The following AUTS2 variants were observed in gnomAD, a reference collection of about 807,000 sequenced individuals.
The protein encoded by AUTS2 is autism susceptibility gene 2 protein.
Under a neutral mutation model 112.4 loss-of-function variants are expected in AUTS2, and 17 were observed. The ratio of observed to expected loss-of-function variants is 0.15; its 90% CI spans 0.10 to 0.23. AUTS2 has a LOEUF of 0.23. AUTS2 is among the 10% of genes least tolerant of loss of function. The probability of loss-of-function intolerance (pLI) is 1.00; values close to 1 mark genes in which losing one functional copy is unlikely to be tolerated. For synonymous variants in AUTS2, 751 were observed against 702.7 expected (o/e 1.07, Z -1.09); for missense variants, 1,510 against 1,701.6 (o/e 0.89, Z 1.98).
At chr7:70,057,321 C>T (rs1427457042) in intron 2 of AUTS2, among the ~76,000 whole-genome samples, 1 of 152,168 alleles carries the variant, frequency 6.6e-6, no homozygotes, top group Non-Finnish European at 1.5e-5. Flanking sequence ...AAACTTTAAA[C>T]ATGGAGGAAG....
intron 5 of AUTS2, among the ~76,000 whole-genome samples, chr7:70,531,571 G>C (rs564670118): frequency 6.6e-6 from 1 of 152,086 alleles, no homozygotes; most frequent in Admixed American, 6.6e-5. Context: ...GGTGAGAGAC[G>C]GAGCAAAAGA....
At chr7:70,780,583 C>T (rs1238265489) in intron 14 of AUTS2, among the ~76,000 whole-genome samples, 1 of 152,180 alleles carries the variant, frequency 6.6e-6, no homozygotes, top group East Asian at 1.9e-4. Flanking sequence ...ACCATGTTGC[C>T]CAGGCTGCCC....
At position 70,384,873 on chromosome 7, in the gene AUTS2, A is replaced by C. The variant is rs372320051; in HGVS notation, c.661-50879A>C. Among the ~76,000 whole-genome samples the C allele has an allele frequency of 4.9e-4, 75 of 152,274 alleles. 1 individual carries two copies. The South Asian group carries it at 0.015, about 31-fold the overall frequency. ...AATGAGATATTAATAAAGTCCTTGA[A>C]CCGAGTGTGAAGGGGCTTGGTATCA... is the stretch of plus-strand genomic sequence containing the variant. On this transcript the variant is annotated intron_variant, in intron 4 of 18. Transcript: ENST00000342771.
At chr7:70,531,257 A>G (rs1045333205) in intron 5 of AUTS2, among the ~76,000 whole-genome samples, 2 of 70,160 alleles carry the variant, frequency 2.9e-5, no homozygotes, top group Non-Finnish European at 5.6e-5. Context: ...GGGCTGATTA[A>G]AATAATTTAT....
In AUTS2 at chr7:69,981,322, C is replaced by G. The variant is rs896237497; in HGVS notation, c.522+81824C>G. On this transcript the variant is annotated intron_variant, in intron 2 of 18. Coordinates refer to ENST00000342771, the MANE Select transcript of AUTS2 (RefSeq NM_015570.4). ...GGTCAGTTGGGGTCAGTTAAAAGAG[C>G]ATTATTGTAAAAGATTTGTGGTTTG... Among the ~76,000 whole-genome samples the G allele has an allele frequency of 3.1e-4, 47 of 152,248 alleles. No individual in the cohort carries two copies. The East Asian group carries it at 3.7e-3, about 12-fold the overall frequency.
intron 6 of AUTS2, among the ~76,000 whole-genome samples, chr7:70,755,525 G>T (rs1789143117): frequency 6.6e-6 from 1 of 151,978 alleles, no homozygotes; most frequent in Non-Finnish European, 1.5e-5. Flanking sequence ...AAATTAGCTG[G>T]GCATGATGGC....
At position 70,747,556 on chromosome 7, in the gene AUTS2, A is replaced by G. The variant is rs1345129971; in HGVS notation, c.743-15314A>G. Among the ~76,000 whole-genome samples the G allele has an allele frequency of 3.9e-5, 6 of 151,948 alleles. No individual in the cohort carries two copies. The East Asian group carries it at 7.8e-4, about 20-fold the overall frequency. ...TCACTGCGGCCTCCACCTCCCAGGT[A>G]CAAGTGATTTTGCTGCCTCAGCCTC... On this transcript the variant is annotated intron_variant, in intron 6 of 18. Coordinates refer to ENST00000342771, the MANE Select transcript of AUTS2 (RefSeq NM_015570.4).
chr7:69,697,436 G>A (rs1180312661), intron 1 of AUTS2, among the ~76,000 whole-genome samples: 1 of 152,192 alleles, frequency 6.6e-6, no homozygotes, highest in East Asian at 1.9e-4. Context: ...AGTTGAGAGA[G>A]GATTAAATTA....
chr7:70,179,857 A>G (rs1028133274), intron 4 of AUTS2, among the ~76,000 whole-genome samples: 1 of 151,974 alleles, frequency 6.6e-6, no homozygotes, highest in Non-Finnish European at 1.5e-5. Flanking sequence ...TTTATCTCCT[A>G]CTCTCAGACT....
At chr7:70,167,018 G>T (rs1739277899) in intron 4 of AUTS2, among the ~76,000 whole-genome samples, 1 of 152,204 alleles carries the variant, frequency 6.6e-6, no homozygotes, top group South Asian at 2.1e-4. Flanking sequence ...TTGAGTTCAG[G>T]TGTTTGAGAC....
chr7:70,000,649 T>G (rs1294586432), intron 2 of AUTS2, among the ~76,000 whole-genome samples: 1 of 152,152 alleles, frequency 6.6e-6, no homozygotes, highest in African/African-American at 2.4e-5. Flanking sequence ...ATATTTGAAC[T>G]GAGAAATGTG....
At chr7:70,484,911 G>A (rs1797926067) in intron 5 of AUTS2, among the ~76,000 whole-genome samples, 1 of 152,148 alleles carries the variant, frequency 6.6e-6, no homozygotes, top group African/African-American at 2.4e-5. Context: ...TCAGGGAAAT[G>A]CAAAGTAAAA....
chr7:69,994,299 G>C (rs987865366), intron 2 of AUTS2, among the ~76,000 whole-genome samples: 4 of 152,188 alleles, frequency 2.6e-5, no homozygotes, highest in African/African-American at 9.7e-5. Context: ...TTACTATGCA[G>C]AATTGCACTT....
intron 5 of AUTS2, among the ~76,000 whole-genome samples, chr7:70,660,302 T>C (rs1220828833): frequency 6.6e-6 from 1 of 152,198 alleles, no homozygotes; most frequent in Non-Finnish European, 1.5e-5. Context: ...GAGATCTCAG[T>C]GTGATGTCTT....
chr7:70,651,502 C>T (rs778636151), intron 5 of AUTS2, among the ~76,000 whole-genome samples: 5 of 152,200 alleles, frequency 3.3e-5, no homozygotes, highest in Non-Finnish European at 7.3e-5. Flanking sequence ...AGCCCAGCCC[C>T]CCTTAAACAC....
At chr7:69,908,348 A>G (rs914560048) in intron 2 of AUTS2, among the ~76,000 whole-genome samples, 2 of 152,194 alleles carry the variant, frequency 1.3e-5, no homozygotes, top group Non-Finnish European at 2.9e-5. Flanking sequence ...GGTATTCTAA[A>G]TGAACTCTGG....
chr7:69,810,241 C>G (rs1187204819), intron 1 of AUTS2, among the ~76,000 whole-genome samples: 3 of 152,164 alleles, frequency 2.0e-5, no homozygotes, highest in Non-Finnish European at 4.4e-5. Context: ...GATTCAAAAC[C>G]CAACTCTATG....
At chr7:70,056,031 AG>A in intron 2 of AUTS2, among the ~76,000 whole-genome samples, 2 of 151,952 alleles carry the variant, frequency 1.3e-5, no homozygotes, top group East Asian at 3.9e-4. Context: ...TCTGTCGCCC[AG>A]GCTGGAGTGC....
intron 2 of AUTS2, among the ~76,000 whole-genome samples, chr7:70,078,925 C>G (rs975316931): frequency 6.6e-6 from 1 of 152,300 alleles, no homozygotes; most frequent in Non-Finnish European, 1.5e-5. Flanking sequence ...TCAGACACAT[C>G]TGTATTAGAA....
Sources: gnomAD v4.1 joint callset for allele counts (sites outside exome capture counted in the v4.1 genomes callset) on GRCh38, gnomAD v4.1.1 for gene constraint, MANE v1.5 for transcripts, NCBI Gene and HGNC (gene_info 2026-07-23, HGNC 2026-07-21) for gene names.